TNNT1: variants seen among roughly 807,000 people sequenced by gnomAD.
TNNT1 encodes the protein troponin T1, slow skeletal type, also known as troponin T, slow skeletal muscle.
In TNNT1, 53 loss-of-function variants were observed where a neutral mutation model predicts 50.6. That is an observed-to-expected ratio of 1.05 (90% CI 0.84 to 1.32). TNNT1 has a LOEUF of 1.32. Among genes scored for constraint, TNNT1 ranks in the 40% most tolerant of loss-of-function variants. TNNT1 has a pLI of 0.00. For synonymous variants in TNNT1, 142 were observed against 138.0 expected (o/e 1.03, Z -0.20); for missense variants, 348 against 381.7 (o/e 0.91, Z 0.74).
intron 3 of TNNT1, 72 bp from the exon 4 acceptor site, chr19:55,146,779 G>C: frequency 1.6e-6 from 2 of 1,289,340 alleles, no homozygotes; most frequent in South Asian, 3.1e-5. Flanking sequence ...CAGAGACCAG[G>C]GTTCCAGTCT....
At chr19:55,141,406 G>T in intron 7 of TNNT1, 104 bp from the exon 8 acceptor site, 1 of 864,316 alleles carries the variant, frequency 1.2e-6, no homozygotes, top group Non-Finnish European at 2.0e-6. Flanking sequence ...TTCCCAGGAC[G>T]GTATCCAGCA....
intron 9 of TNNT1, among the ~76,000 whole-genome samples, chr19:55,138,619 T>G (rs1190980525): frequency 6.6e-6 from 1 of 152,008 alleles, no homozygotes; most frequent in East Asian, 1.9e-4. Context: ...AAAATCGAAA[T>G]GAAGGAGAAG....
At chr19:55,144,349 C>A (rs2060548567) in intron 6 of TNNT1, among the ~76,000 whole-genome samples, 1 of 152,076 alleles carries the variant, frequency 6.6e-6, no homozygotes, top group Admixed American at 6.6e-5. Flanking sequence ...GAATTACAGG[C>A]ATGAACCACT....
At chr19:55,143,491 G>A (rs1231043076) in intron 6 of TNNT1, among the ~76,000 whole-genome samples, 1 of 152,152 alleles carries the variant, frequency 6.6e-6, no homozygotes, top group African/African-American at 2.4e-5. Context: ...CTGGGCAAGG[G>A]GAGGGAAGAG....
intron 6 of TNNT1, among the ~76,000 whole-genome samples, chr19:55,144,699 G>T (rs767409783): frequency 6.6e-6 from 1 of 152,246 alleles, no homozygotes; most frequent in Non-Finnish European, 1.5e-5. Flanking sequence ...GCACAGGCAT[G>T]GCTAGAGAAC....
At chr19:55,145,136 G>GA (rs71181741) in intron 6 of TNNT1, among the ~76,000 whole-genome samples, 3,963 of 130,316 alleles carry the variant, frequency 0.03, 98 homozygotes, top group Admixed American at 0.087. Context: ...TCTACAAAAA[G>GA]AAAAAAAAAA....
At chr19:55,136,557 G>A (rs538514717) in intron 11 of TNNT1, among the ~76,000 whole-genome samples, 4 of 152,306 alleles carry the variant, frequency 2.6e-5, no homozygotes, top group Admixed American at 6.5e-5. Flanking sequence ...AGGGGCTTTC[G>A]GTGCAAGCGG....
chr19:55,139,264 T>G (rs1329439042), intron 9 of TNNT1, among the ~76,000 whole-genome samples: 1 of 152,328 alleles, frequency 6.6e-6, no homozygotes, highest in East Asian at 1.9e-4. Context: ...TCTCCCAAAG[T>G]GCTGGGATTA....
rs547467795 is a variant in TNNT1 at position 55,132,903 on chromosome 19, G to A, written c.*12C>T. 90 of 1,598,912 alleles carry A rather than the reference G, an allele frequency of 5.6e-5. 1 individual carries two copies. In the Middle Eastern group the frequency reaches 9.9e-4, roughly 18 times the overall value. On this transcript the variant is annotated 3_prime_UTR_variant, in exon 14 of 14. Transcript: ENST00000588981. ...CCAGGCTTCCCAGGTGCCACTGTCC[G>A]GGGCGGCATCCTCACTTCCAGCGGC...
chr19:55,147,158 C>T lies in TNNT1; in HGVS notation c.-1G>A. On this transcript the variant is annotated 5_prime_UTR_variant, in exon 2 of 14. Transcript: ENST00000588981. ...ATTCCTGCTCCTCGGTGTCCGACAT[C>T]CTGGTGCGGCCTAAGGACCAGAGAG... The T allele has an allele frequency of 6.2e-7, 1 of 1,613,614 alleles. No homozygotes were observed. Among genetic ancestry groups the T allele is most frequent in the African/African-American group, 1.3e-5 (1 of 75,044 alleles).
intron 11 of TNNT1, among the ~76,000 whole-genome samples, chr19:55,136,634 A>G (rs938847224): frequency 3.3e-5 from 5 of 152,174 alleles, no homozygotes; most frequent in Non-Finnish European, 7.4e-5. Flanking sequence ...GCCAGAGAAC[A>G]TGGAGAAACA....
At chr19:55,136,183 A>G (rs756059266) in intron 11 of TNNT1, among the ~76,000 whole-genome samples, 1 of 152,092 alleles carries the variant, frequency 6.6e-6, no homozygotes, top group Non-Finnish European at 1.5e-5. Flanking sequence ...CAGGTTCCTC[A>G]CTATTAACAC....
chr19:55,133,922 G>C lies in TNNT1; in HGVS notation c.756C>G (p.Asn252Lys). The C allele has an allele frequency of 6.2e-7, 1 of 1,613,666 alleles. No homozygotes were observed. Among genetic ancestry groups the C allele is most frequent in the Non-Finnish European group, 8.5e-7 (1 of 1,180,024 alleles). Residue 252 changes from asparagine to lysine, a missense_variant, in exon 13 of 14, where the codon AAC becomes AAG. Asn to Lys is a moderately conservative substitution (Grantham distance 94, BLOSUM62 0). This residue lies in a region of TNNT1 where 253 missense variants were observed against 291.8 expected (regional missense o/e 0.87). Coordinates refer to ENST00000588981, the MANE Select transcript of TNNT1 (RefSeq NM_003283.6). ...CGTGGCTGATGCGGTTGTACAGCAC[G>C]TTGATCTGCGGAGGCAGAAGACAGA... is the stretch of plus-strand genomic sequence containing the variant. Reference protein sequence around the residue: ...AKLKQQKYEINVLYNRISHAQ... With the variant: ...AKLKQQKYEIKVLYNRISHAQ...
chr19:55,144,236 TC>T (rs1318626337), intron 6 of TNNT1, among the ~76,000 whole-genome samples: 7 of 151,962 alleles, frequency 4.6e-5, no homozygotes, highest in Non-Finnish European at 1.0e-4. Context: ...CCTGGCTAAT[TC>T]TTTTGTATTT....
chr19:55,145,490 A>T, intron 6 of TNNT1, 54 bp downstream of exon 6: 1 of 1,574,104 alleles, frequency 6.4e-7, no homozygotes. Flanking sequence ...CTGGGGGTAG[A>T]GGGAATATTT....
At chr19:55,146,591 T>C in intron 4 of TNNT1, 90 bp downstream of exon 4, 2 of 1,228,014 alleles carry the variant, frequency 1.6e-6, no homozygotes, top group Admixed American at 2.8e-5. Flanking sequence ...GCCGAGGCCG[T>C]CGGGAGCCCC....
intron 1 of TNNT1, 129 bp downstream of exon 1, chr19:55,149,032 A>C (rs1599901798): frequency 2.5e-6 from 1 of 401,210 alleles, no homozygotes; most frequent in African/African-American, 2.1e-5. Flanking sequence ...AAGTTCCCAG[A>C]CCTCCAGTTG....
Position 55,140,794 on chromosome 19 carries a change from G to GTAATAA in TNNT1, c.387+83_387+88dup, listed in dbSNP as rs10582842. On this transcript the variant is annotated intron_variant, in intron 9 of 13. Transcript: ENST00000588981. ...TCCGTTTCAAAGAATAATAATAATAGTAATAATAATAATAATAATAATAAT... is the reference window on the plus strand; with the variant it reads ...TCCGTTTCAAAGAATAATAATAATAGTAATAATAATAATAATAATAATAATAATAAT... 5.6e-3 allele frequency: 3,979 copies of GTAATAA among 707,074 alleles called. 45 individuals are homozygous for GTAATAA. Among genetic ancestry groups the GTAATAA allele is most frequent in the African/African-American group, 0.024 (1,298 of 54,762 alleles). The allele number at this position is 707,074 out of a possible 1,614,324, so 43.8% of individuals were successfully genotyped here. A position where few individuals can be genotyped will look rare whatever the true frequency, so the allele number is the denominator to read the frequency against.
At chr19:55,141,468 C>G (rs1180129150) in intron 7 of TNNT1, among the ~76,000 whole-genome samples, 166 bp from the exon 8 acceptor site, 1 of 151,824 alleles carries the variant, frequency 6.6e-6, no homozygotes, top group African/African-American at 2.4e-5. Flanking sequence ...CAAGGACAGG[C>G]TTCCCAAAGA....
Sources: gnomAD v4.1 joint callset for allele counts (sites outside exome capture counted in the v4.1 genomes callset) on GRCh38, gnomAD v4.1.1 for gene constraint, gnomAD v4.1.1 regional missense constraint, MANE v1.5 for transcripts, NCBI Gene and HGNC (gene_info 2026-07-23, HGNC 2026-07-21) for gene names.